Variants in ARHGAP6 observed in about 807,000 individuals in gnomAD.
ARHGAP6 encodes rho GTPase-activating protein 6.
A neutral mutation model predicts 55.7 loss-of-function variants in ARHGAP6; 16 were observed. The ratio of observed to expected loss-of-function variants is 0.29; its 90% confidence interval spans 0.19 to 0.44. The LOEUF (loss-of-function observed/expected upper bound fraction) is 0.44, where lower values mean the gene tolerates loss of function less well. Ranked by LOEUF, ARHGAP6 falls within the 20% of genes least tolerant of loss-of-function variation. The pLI, the probability that ARHGAP6 is intolerant of heterozygous loss-of-function variation, is 1.00. For missense variants in ARHGAP6, 698 were observed against 808.9 expected (o/e 0.86, Z 1.66); for synonymous variants, 382 against 360.9 (o/e 1.06, Z -0.66).
At chrX:11,505,816 C>T (rs2050726272) in intron 1 of ARHGAP6, among the ~76,000 whole-genome samples, 1 of 111,368 alleles carries the variant, frequency 9.0e-6, no homozygotes, top group South Asian at 3.8e-4. Context: ...CCAAATACCA[C>T]ATGTTCTCAC....
At chrX:11,187,118 C>T (rs772224228) in intron 4 of ARHGAP6, among the ~76,000 whole-genome samples, 63 of 111,465 alleles carry the variant, frequency 5.7e-4, no homozygotes, top group African/African-American at 2.0e-3. Flanking sequence ...TACACCAGGC[C>T]TCAGGAATCA....
chrX:11,495,250 C>T (rs2050610401), intron 1 of ARHGAP6, among the ~76,000 whole-genome samples: 1 of 110,801 alleles, frequency 9.0e-6, no homozygotes, highest in African/African-American at 3.3e-5. Flanking sequence ...CCAGCCTCTG[C>T]CCCCACCCAC....
intron 1 of ARHGAP6, among the ~76,000 whole-genome samples, chrX:11,372,342 T>C (rs1388697908): frequency 8.9e-6 from 1 of 112,367 alleles, no homozygotes; most frequent in Non-Finnish European, 1.9e-5. Flanking sequence ...TCACTACAGA[T>C]ACTTCTTGAC....
intron 10 of ARHGAP6, among the ~76,000 whole-genome samples, chrX:11,148,090 A>G (rs150642584): frequency 0.024 from 2,647 of 111,754 alleles, 77 homozygotes; most frequent in African/African-American, 0.082. Flanking sequence ...GTGATTTTCC[A>G]CAGGACACTC....
At position 11,567,566 on chromosome X, in the gene ARHGAP6, A is replaced by AAATATATATATATATAT. The variant is rs1440758737; in HGVS notation, c.588+96674_588+96675insATATATATATATATATT. ...GAGACTCCATCTCAAAAAAAAAAAA[A>AAATATATATATATATAT]ATATATATATATATTTGCCTCAGAG... is the stretch of plus-strand genomic sequence containing the variant. On this transcript the variant is annotated intron_variant, in intron 1 of 12. Transcript: ENST00000337414. Among the ~76,000 whole-genome samples, 12 of 84,411 alleles carry AAATATATATATATATAT rather than the reference A, an allele frequency of 1.4e-4. 1 individual carries two copies. The highest frequency in any genetic ancestry group is 5.2e-4 in the African/African-American group (11 of 21,123). The allele number at this position is 84,411 out of a possible 115,157, so 73.3% of individuals were successfully genotyped here. A position where few individuals can be genotyped will look rare whatever the true frequency, so the allele number is the denominator to read the frequency against.
chrX:11,299,819 C>T (rs2048146508), intron 1 of ARHGAP6, among the ~76,000 whole-genome samples: 1 of 111,801 alleles, frequency 8.9e-6, no homozygotes, highest in African/African-American at 3.2e-5. Flanking sequence ...ACAAAGGTTC[C>T]AATTCTGGCT....
intron 1 of ARHGAP6, among the ~76,000 whole-genome samples, chrX:11,536,872 T>C (rs997437145): frequency 1.8e-5 from 2 of 112,111 alleles, no homozygotes; most frequent in Non-Finnish European, 3.8e-5. Flanking sequence ...TAAAATGAAA[T>C]TACCAATTAG....
chrX:11,500,663 CAAAAAAAA>C (rs995574477), intron 1 of ARHGAP6, among the ~76,000 whole-genome samples: 5 of 33,627 alleles, frequency 1.5e-4, no homozygotes, highest in Non-Finnish European at 2.2e-4. Context: ...CAGACTCTGT[CAAAAAAAA>C]AAAAAAAAAA....
In ARHGAP6 at chrX:11,169,628, C is replaced by A; in HGVS notation, c.1686G>T (p.Leu562=). 5.0e-6 allele frequency: 6 copies of A among 1,207,810 alleles called. No homozygotes were observed. The highest frequency in any genetic ancestry group is 6.7e-6 in the Non-Finnish European group (6 of 893,722). The change falls in exon 9 of 13, where the codon CTG becomes CTT. Residue 562 remains leucine, a synonymous_variant. Transcript: ENST00000337414. ...TGTCTGATGACTTCTGCTTGTGCAG[C>A]AGGTTGGGTCCAAATATGGTGGCTA... ...LNLATIFGPN[L]LHKQKSSDKE... is the part of the protein sequence containing the mutation.
At chrX:11,481,239 G>A (rs775794406) in intron 1 of ARHGAP6, among the ~76,000 whole-genome samples, 7 of 111,458 alleles carry the variant, frequency 6.3e-5, no homozygotes, top group East Asian at 2.8e-4. Flanking sequence ...AGGATCCTCC[G>A]TGGCTGTATT....
Position 11,304,777 on chromosome X carries a change from C to CTTTT in ARHGAP6, c.589-50074_589-50071dup, listed in dbSNP as rs953912280. Among the ~76,000 whole-genome samples the CTTTT allele has an allele frequency of 1.6e-3, 79 of 50,283 alleles. 6 individuals are homozygous for CTTTT. The highest frequency in any genetic ancestry group is 2.2e-3 in the Non-Finnish European group (59 of 27,110). The allele number at this position is 50,283 out of a possible 115,157, so 43.7% of individuals were successfully genotyped here. ...AAGGATTTCATTTTTCTTTCTTTTA[C>CTTTT]TTTTTTTTTTTTTTTTTTTTTTTTT... On this transcript the variant is annotated intron_variant, in intron 1 of 12. Coordinates refer to ENST00000337414, the MANE Select transcript of ARHGAP6 (RefSeq NM_013427.3).
intron 1 of ARHGAP6, among the ~76,000 whole-genome samples, chrX:11,439,861 T>C (rs1054766134): frequency 2.7e-5 from 3 of 112,885 alleles, no homozygotes; most frequent in Non-Finnish European, 5.6e-5. Flanking sequence ...CAATATAAAT[T>C]GTAACTAAAA....
At chrX:11,637,442 T>A (rs1268803131) in intron 1 of ARHGAP6, among the ~76,000 whole-genome samples, 2 of 112,002 alleles carry the variant, frequency 1.8e-5, no homozygotes, top group East Asian at 5.6e-4. Flanking sequence ...ATAAACTTTT[T>A]AAAGTTTTAT....
chrX:11,523,084 A>G lies in ARHGAP6; in HGVS notation c.588+141157T>C, dbSNP rs371407072. ...GGGATGCAAGGCTGGTTCAACATAC[A>G]CAAATCAATAAATATAATCCAGCAT... On this transcript the variant is annotated intron_variant, in intron 1 of 12. Coordinates refer to ENST00000337414, the MANE Select transcript of ARHGAP6 (RefSeq NM_013427.3). 4.6e-4 allele frequency among the ~76,000 whole-genome samples: 52 copies of G among 111,942 alleles called. No homozygotes were observed. In the East Asian group the frequency reaches 0.013, roughly 27 times the overall value.
chrX:11,241,881 T>C (rs189923078), intron 2 of ARHGAP6, among the ~76,000 whole-genome samples: 7 of 111,779 alleles, frequency 6.3e-5, no homozygotes, highest in African/African-American at 2.0e-4. Context: ...GCAATAGCGA[T>C]GCCTCTCCTT....
chrX:11,240,235 C>T (rs188228417), intron 2 of ARHGAP6, among the ~76,000 whole-genome samples: 1 of 112,392 alleles, frequency 8.9e-6, no homozygotes, highest in East Asian at 2.8e-4. Flanking sequence ...GCCATTGCCA[C>T]CCCGAGTGGA....
chrX:11,534,582 C>T (rs1183507271), intron 1 of ARHGAP6, among the ~76,000 whole-genome samples: 1 of 109,592 alleles, frequency 9.1e-6, no homozygotes, highest in Admixed American at 9.7e-5. Flanking sequence ...TTCTCGGGGG[C>T]AAAATCATCC....
chrX:11,552,555 CATATATAT>C (rs59008705), intron 1 of ARHGAP6, among the ~76,000 whole-genome samples: 355 of 12,537 alleles, frequency 0.028, 8 homozygotes, highest in Middle Eastern at 0.25. Context: ...GAAAATGTGC[CATATATAT>C]ATATATATAT....
chrX:11,561,411 A>C (rs2051383144), intron 1 of ARHGAP6, among the ~76,000 whole-genome samples: 1 of 112,199 alleles, frequency 8.9e-6, no homozygotes, highest in African/African-American at 3.2e-5. Context: ...ATAGATTCAG[A>C]AACGTGCATG....
Sources: gnomAD v4.1 joint callset for allele counts (sites outside exome capture counted in the v4.1 genomes callset) on GRCh38, gnomAD v4.1.1 for gene constraint, MANE v1.5 for transcripts, NCBI Gene and HGNC (gene_info 2026-07-23, HGNC 2026-07-21) for gene names.